SMURF2: variants seen among roughly 807,000 people sequenced by gnomAD.
SMURF2 encodes SMAD specific E3 ubiquitin protein ligase 2.
A neutral mutation model predicts 109.6 loss-of-function variants in SMURF2; 48 were observed. The ratio of observed to expected loss-of-function variants is 0.44; its 90% CI spans 0.35 to 0.56. The LOEUF (loss-of-function observed/expected upper bound fraction) is 0.56. Among genes scored for constraint, SMURF2 ranks in the 20% least tolerant of loss-of-function variants. The probability of loss-of-function intolerance (pLI) is 0.01; values close to 1 mark genes in which losing one functional copy is unlikely to be tolerated. For synonymous variants in SMURF2, 288 were observed against 317.1 expected (o/e 0.91, Z 0.97); for missense variants, 575 against 909.0 (o/e 0.63, Z 4.72).
At position 64,656,703 on chromosome 17, in the gene SMURF2, G is replaced by C. The variant is rs555494275; in HGVS notation, c.52+5126C>G. The stretch of plus-strand genomic sequence containing the variant: ...AAATCAAAGTTACCTACACCAAGAT[G>C]TTTACAGCAATTATTTGTAATAAAA... On this transcript the variant is annotated intron_variant, in intron 1 of 18. Coordinates refer to ENST00000262435, the MANE Select transcript of SMURF2 (RefSeq NM_022739.4). Among the ~76,000 whole-genome samples the C allele has an allele frequency of 5.9e-5, 9 of 152,028 alleles. No individual in the cohort carries two copies. The South Asian group carries it at 1.7e-3, about 28-fold the overall frequency.
chr17:64,560,464 G>T (rs77357262), intron 12 of SMURF2, among the ~76,000 whole-genome samples: 8,091 of 152,070 alleles, frequency 0.053, 310 homozygotes, highest in Admixed American at 0.13. Context: ...TGAAAATAAG[G>T]CTACAAATAC....
At chr17:64,629,377 G>C (rs1359776476) in intron 1 of SMURF2, among the ~76,000 whole-genome samples, 2 of 152,054 alleles carry the variant, frequency 1.3e-5, no homozygotes, top group African/African-American at 4.8e-5. Flanking sequence ...GGTGGCGCTT[G>C]CCTGTAGTCC....
chr17:64,589,453 T>C lies in SMURF2; in HGVS notation c.400+1631A>G, dbSNP rs1175500613. ...ATGACAGGAATTATCAGTAATGATGTAGTGTAGATCAGGAATCCCCAACCC... is the reference window on the plus strand; with the variant it reads ...ATGACAGGAATTATCAGTAATGATGCAGTGTAGATCAGGAATCCCCAACCC... On this transcript the variant is annotated intron_variant, in intron 5 of 18. Coordinates refer to ENST00000262435, the MANE Select transcript of SMURF2 (RefSeq NM_022739.4). 2.6e-5 allele frequency among the ~76,000 whole-genome samples: 4 copies of C among 151,710 alleles called. No individual in the cohort carries two copies. In the East Asian group the frequency reaches 7.8e-4, roughly 29 times the overall value.
rs568844788 is a variant in SMURF2, at chr17:64,654,246, G to A, written c.52+7583C>T. Among the ~76,000 whole-genome samples the A allele has an allele frequency of 3.9e-5, 6 of 152,182 alleles. No individual in the cohort carries two copies. In the South Asian group the frequency reaches 1.2e-3, roughly 32 times the overall value. On this transcript the variant is annotated intron_variant, in intron 1 of 18. Transcript: ENST00000262435. Reference sequence around the variant, plus strand: ...AACTTTATGTCTGCTACCAATTTTTGTACAAAACCAAACCAAACTGCCAAA... The same window carrying A: ...AACTTTATGTCTGCTACCAATTTTTATACAAAACCAAACCAAACTGCCAAA...
chr17:64,612,804 T>C (rs1293148556), intron 1 of SMURF2, among the ~76,000 whole-genome samples: 14 of 151,964 alleles, frequency 9.2e-5, no homozygotes, highest in African/African-American at 3.1e-4. Context: ...CAAAGAACAA[T>C]TGAAAAATCA....
chr17:64,612,193 T>C (rs957445739), intron 1 of SMURF2, among the ~76,000 whole-genome samples: 1 of 152,118 alleles, frequency 6.6e-6, no homozygotes, highest in Non-Finnish European at 1.5e-5. Context: ...GTAAACTCCA[T>C]ACAGCACGAA....
intron 9 of SMURF2, among the ~76,000 whole-genome samples, chr17:64,578,076 G>T (rs912337713): frequency 5.3e-5 from 8 of 151,600 alleles, no homozygotes; most frequent in Non-Finnish European, 1.2e-4. Context: ...CACCCGAGTA[G>T]CTGGGATTAC....
intron 1 of SMURF2, among the ~76,000 whole-genome samples, chr17:64,607,062 GTTTT>G (rs1412359777): frequency 6.8e-6 from 1 of 146,872 alleles, no homozygotes; most frequent in African/African-American, 2.5e-5. Flanking sequence ...ATATAGATGA[GTTTT>G]TTTTCTTTTT....
chr17:64,583,703 A>G (rs554263033), intron 6 of SMURF2, among the ~76,000 whole-genome samples, 159 bp from the exon 7 acceptor site: 1 of 152,316 alleles, frequency 6.6e-6, no homozygotes, highest in East Asian at 1.9e-4. Context: ...AGAACTCTGT[A>G]ATATATTTTA....
intron 1 of SMURF2, among the ~76,000 whole-genome samples, chr17:64,656,120 A>G (rs1383513071): frequency 2.0e-5 from 3 of 152,228 alleles, no homozygotes; most frequent in Non-Finnish European, 2.9e-5. Flanking sequence ...AACATTAAAT[A>G]TAATGTACTT....
intron 1 of SMURF2, among the ~76,000 whole-genome samples, chr17:64,633,085 A>G (rs1555691793): frequency 2.0e-5 from 3 of 152,192 alleles, no homozygotes; most frequent in African/African-American, 7.2e-5. Flanking sequence ...AGCCTGGGCA[A>G]CCTGAGGAGA....
chr17:64,545,698 TCA>T lies in SMURF2; in HGVS notation c.*148_*149del, dbSNP rs782368327. ...GGAATTTCAAAATTGTCCTTTCCCCTCACAGTGTCCTAAAATGTAAAAAAAAA... is the reference window on the plus strand; with the variant it reads ...GGAATTTCAAAATTGTCCTTTCCCCTCAGTGTCCTAAAATGTAAAAAAAAA... On this transcript the variant is annotated 3_prime_UTR_variant, in exon 19 of 19. Transcript: ENST00000262435. 7 of 415,960 alleles carry T rather than the reference TCA, an allele frequency of 1.7e-5. No homozygotes were observed. Among genetic ancestry groups the T allele is most frequent in the African/African-American group, 8.0e-5 (3 of 37,274 alleles). The allele number at this position is 415,960 out of a possible 1,614,324, so 25.8% of individuals were successfully genotyped here.
intron 15 of SMURF2, among the ~76,000 whole-genome samples, chr17:64,553,461 T>G (rs1174660039): frequency 1.3e-5 from 2 of 151,544 alleles, no homozygotes; most frequent in East Asian, 3.9e-4. Flanking sequence ...GCCAAGATCT[T>G]GCCACTGCAC....
chr17:64,547,386 G>A lies in SMURF2; in HGVS notation c.2071+214C>T, dbSNP rs1376464109. On this transcript the variant is annotated intron_variant, in intron 17 of 18. Coordinates refer to ENST00000262435, the MANE Select transcript of SMURF2 (RefSeq NM_022739.4). This position sits in a 1 kb window ranked among gnomAD's most constrained non-coding sequence, Gnocchi z 4.2. ...TCACCACGTACGGTCTCTAGCATGC[G>A]GCACTCACTACAATCAGAGAAGCCC... 2.0e-5 allele frequency among the ~76,000 whole-genome samples: 3 copies of A among 152,126 alleles called. No homozygotes were observed. The highest frequency in any genetic ancestry group is 2.9e-5 in the Non-Finnish European group (2 of 68,026).
intron 2 of SMURF2, 143 bp from the exon 3 acceptor site, chr17:64,598,633 TAAAA>T: frequency 1.7e-6 from 1 of 592,200 alleles, no homozygotes; most frequent in Non-Finnish European, 2.7e-6. Flanking sequence ...GTCCATTTTT[TAAAA>T]AAAAAGACTA....
chr17:64,625,082 G>A (rs1970251407), intron 1 of SMURF2, among the ~76,000 whole-genome samples: 1 of 152,128 alleles, frequency 6.6e-6, no homozygotes, highest in African/African-American at 2.4e-5. Context: ...TAGAAAGATG[G>A]TTCTCCTGAC....
intron 7 of SMURF2, among the ~76,000 whole-genome samples, chr17:64,582,514 T>A (rs1404644306): frequency 6.6e-6 from 1 of 152,252 alleles, no homozygotes; most frequent in Non-Finnish European, 1.5e-5. Flanking sequence ...CTCCATGAAG[T>A]GACCATACCT....
intron 12 of SMURF2, among the ~76,000 whole-genome samples, chr17:64,559,674 G>A (rs1969183396): frequency 6.6e-6 from 1 of 151,710 alleles, no homozygotes; most frequent in African/African-American, 2.4e-5. Context: ...GGGAGGCGGA[G>A]GCTGGAGGAT....
chr17:64,637,945 C>CAAAAAAAAAAAAAAAAAA (rs1970441640), intron 1 of SMURF2, among the ~76,000 whole-genome samples: 1 of 130,510 alleles, frequency 7.7e-6, no homozygotes, highest in African/African-American at 3.6e-5. Context: ...AAAAAAAAAT[C>CAAAAAAAAAAAAAAAAAA]AACTGACCAC....
Sources: allele counts gnomAD v4.1 joint callset (sites outside exome capture counted in the v4.1 genomes callset), GRCh38; gene constraint gnomAD v4.1.1; non-coding constraint Gnocchi (gnomAD v3.1); transcripts MANE v1.5; gene names NCBI Gene and HGNC (gene_info 2026-07-23, HGNC 2026-07-21).